Variants in KIRREL3 observed in about 807,000 individuals in gnomAD.
KIRREL3 encodes the protein kirre like nephrin family adhesion molecule 3.
KIRREL3 carries 36 observed loss-of-function variants against 89.7 expected under a neutral mutation model. The ratio of observed to expected loss-of-function variants is 0.40; its 90% CI spans 0.31 to 0.53. KIRREL3 has a LOEUF of 0.53. KIRREL3 is among the 20% of genes least tolerant of loss of function. KIRREL3 has a pLI of 0.49. For missense variants in KIRREL3, 864 were observed against 1,056.6 expected, an observed-to-expected ratio of 0.82 and a Z score of 2.53; for synonymous variants, 445 against 441.4, an observed-to-expected ratio of 1.01 and a Z score of -0.10.
rs1259317672 is a variant in KIRREL3, at chr11:126,537,771, T to C, written c.134-11084A>G. 6.6e-6 allele frequency among the ~76,000 whole-genome samples: 1 copy of C among 152,250 alleles called. No homozygotes were observed. Among genetic ancestry groups the C allele is most frequent in the African/African-American group, 2.4e-5 (1 of 41,474 alleles). ...GCTGCTGTGAGCATGAGAGGTTTTATATGTAAATGATCTTGGTAGACAGGT... is the reference window on the plus strand; with the variant it reads ...GCTGCTGTGAGCATGAGAGGTTTTACATGTAAATGATCTTGGTAGACAGGT... On this transcript the variant is annotated intron_variant, in intron 2 of 16. Coordinates refer to ENST00000525144, the MANE Select transcript of KIRREL3 (RefSeq NM_032531.4). The surrounding 1 kb of genome is among the most constrained non-coding windows in gnomAD (Gnocchi z 4.3).
chr11:126,934,461 A>T (rs1948090722), intron 1 of KIRREL3, among the ~76,000 whole-genome samples: 1 of 152,222 alleles, frequency 6.6e-6, no homozygotes, highest in Admixed American at 6.5e-5. Context: ...CTTCATCAAA[A>T]TTAAAAATTT....
At position 126,723,728 on chromosome 11, in the gene KIRREL3, T is replaced by C. The variant is rs1948268968; in HGVS notation, c.56-160816A>G. ...TAATAGATGCAGAATTAATTTTCAT[T>C]GAGTTACATAAATGATACAATATGA... On this transcript the variant is annotated intron_variant, in intron 1 of 16. Coordinates refer to ENST00000525144, the MANE Select transcript of KIRREL3 (RefSeq NM_032531.4). This position sits in a 1 kb window ranked among gnomAD's most constrained non-coding sequence, Gnocchi z 4.0. Among the ~76,000 whole-genome samples, 1 of 152,174 alleles carries C rather than the reference T, an allele frequency of 6.6e-6. No homozygotes were observed. Among genetic ancestry groups the C allele is most frequent in the African/African-American group, 2.4e-5 (1 of 41,432 alleles).
In KIRREL3 at chr11:126,462,944, T is replaced by A. The variant is rs1208923817; in HGVS notation, c.742+213A>T. Among the ~76,000 whole-genome samples, 1 of 152,210 alleles carries A rather than the reference T, an allele frequency of 6.6e-6. No individual in the cohort carries two copies. Among genetic ancestry groups the A allele is most frequent in the Admixed American group, 6.5e-5 (1 of 15,290 alleles). On this transcript the variant is annotated intron_variant, in intron 6 of 16. Transcript: ENST00000525144. This position sits in a 1 kb window ranked among gnomAD's most constrained non-coding sequence, Gnocchi z 4.8. Reference sequence around the variant, plus strand: ...CAGGTGTTGAAATGTGGCCTGAAGATGTCCTTTGCGAAAGACCCTCATCTG... The same window carrying A: ...CAGGTGTTGAAATGTGGCCTGAAGAAGTCCTTTGCGAAAGACCCTCATCTG...
rs550072638 is a variant in KIRREL3, at chr11:126,687,377, A to G, written c.56-124465T>C. 5.3e-4 allele frequency among the ~76,000 whole-genome samples: 80 copies of G among 152,316 alleles called. No homozygotes were observed. Among genetic ancestry groups the G allele is most frequent in the African/African-American group, 1.8e-3 (73 of 41,566 alleles). On this transcript the variant is annotated intron_variant, in intron 1 of 16. Coordinates refer to ENST00000525144, the MANE Select transcript of KIRREL3 (RefSeq NM_032531.4). The surrounding 1 kb of genome is among the most constrained non-coding windows in gnomAD (Gnocchi z 4.6). The stretch of plus-strand genomic sequence containing the variant: ...TAACATCCCCAAATTTACCTAGCCC[A>G]GAGTTTTAAAAAATTTATATTTTTA...
At chr11:126,560,342 G>A (rs1402002470) in intron 2 of KIRREL3, among the ~76,000 whole-genome samples, 1 of 152,140 alleles carries the variant, frequency 6.6e-6, no homozygotes, top group Non-Finnish European at 1.5e-5. Flanking sequence ...AAAGACTGCA[G>A]ATTCTATCCA....
rs367560999 is a variant in KIRREL3 at position 126,451,399 on chromosome 11, C to G, written c.849-2242G>C. 4.4e-4 allele frequency among the ~76,000 whole-genome samples: 32 copies of G among 73,490 alleles called. No homozygotes were observed. The East Asian group carries it at 0.014, about 31-fold the overall frequency. The allele number at this position is 73,490 out of a possible 152,430, so 48.2% of individuals were successfully genotyped here. A position where few individuals can be genotyped will look rare whatever the true frequency, so the allele number is the denominator to read the frequency against. On this transcript the variant is annotated intron_variant, in intron 7 of 16. Transcript: ENST00000525144. The stretch of plus-strand genomic sequence containing the variant: ...GAGCGTGTGCATGTGTGAACGTGTG[C>G]ATGTGTGCATGTGTGTGCATGTGTG...
chr11:126,512,581 T>C (rs1459364173), intron 4 of KIRREL3, among the ~76,000 whole-genome samples: 6 of 152,148 alleles, frequency 3.9e-5, no homozygotes, highest in South Asian at 2.1e-4. Context: ...CCGCATGTTA[T>C]AGGAAGGGGC....
At chr11:126,439,736 T>G (rs1026768617) in intron 11 of KIRREL3, among the ~76,000 whole-genome samples, 3 of 151,352 alleles carry the variant, frequency 2.0e-5, no homozygotes, top group African/African-American at 7.3e-5. Flanking sequence ...TGAGAATTGC[T>G]TGAACTGGGA....
chr11:126,541,102 A>T lies in KIRREL3; in HGVS notation c.134-14415T>A, dbSNP rs1041116673. ...CCATCAACCCCTCTCAGAGGGCGTCAGCGTGGGCACCACCAGGAGAGGCTG... is the reference window on the plus strand; with the variant it reads ...CCATCAACCCCTCTCAGAGGGCGTCTGCGTGGGCACCACCAGGAGAGGCTG... On this transcript the variant is annotated intron_variant, in intron 2 of 16. Coordinates refer to ENST00000525144, the MANE Select transcript of KIRREL3 (RefSeq NM_032531.4). The surrounding 1 kb of genome is among the most constrained non-coding windows in gnomAD (Gnocchi z 4.8). 3.3e-5 allele frequency among the ~76,000 whole-genome samples: 5 copies of T among 152,196 alleles called. No individual in the cohort carries two copies. The highest frequency in any genetic ancestry group is 7.3e-5 in the Non-Finnish European group (5 of 68,028).
At chr11:126,929,697 C>G (rs1474492416) in intron 1 of KIRREL3, among the ~76,000 whole-genome samples, 4 of 152,182 alleles carry the variant, frequency 2.6e-5, no homozygotes, top group African/African-American at 9.7e-5. Context: ...AACCAAAAAT[C>G]CAGCCTGCCT....
rs1009682349 is a variant in KIRREL3, at chr11:126,517,731, A to C, written c.433+3584T>G. On this transcript the variant is annotated intron_variant, in intron 4 of 16. Coordinates refer to ENST00000525144, the MANE Select transcript of KIRREL3 (RefSeq NM_032531.4). ...TGGTACAGCATGTTGGACTCCTTAC[A>C]GTGGAAGTCATGGCCTTTTGGGAGC... Among the ~76,000 whole-genome samples, 4 of 152,326 alleles carry C rather than the reference A, an allele frequency of 2.6e-5. No individual in the cohort carries two copies. In the East Asian group the frequency reaches 5.8e-4, roughly 22 times the overall value.
At chr11:126,959,561 A>C (rs1052466975) in intron 1 of KIRREL3, among the ~76,000 whole-genome samples, 2 of 152,106 alleles carry the variant, frequency 1.3e-5, no homozygotes, top group African/African-American at 4.8e-5. Context: ...GAAAATTCCA[A>C]ATGTTTCTCA....
At chr11:126,469,831 G>A (rs568282027) in intron 5 of KIRREL3, among the ~76,000 whole-genome samples, 112 of 152,390 alleles carry the variant, frequency 7.3e-4, no homozygotes, top group African/African-American at 2.6e-3. Context: ...ACAAGCCACA[G>A]AGGGGCAGGA....
At position 126,684,799 on chromosome 11, in the gene KIRREL3, C is replaced by T. The variant is rs1043461482; in HGVS notation, c.56-121887G>A. 7.9e-5 allele frequency among the ~76,000 whole-genome samples: 12 copies of T among 152,218 alleles called. No homozygotes were observed. Among genetic ancestry groups the T allele is most frequent in the South Asian group, 4.2e-4 (2 of 4,812 alleles). ...AACACCTCTAAAGAAAGGAAAGGTG[C>T]GGCAGGTTGCGTGTGCGGGAGGGGA... On this transcript the variant is annotated intron_variant, in intron 1 of 16. Coordinates refer to ENST00000525144, the MANE Select transcript of KIRREL3 (RefSeq NM_032531.4). This position sits in a 1 kb window ranked among gnomAD's most constrained non-coding sequence, Gnocchi z 4.2.
Position 126,431,024 on chromosome 11 carries a change from T to C in KIRREL3, c.1696+395A>G. ...GAGTGACCTGCTTTTCTGGTGAGAC[T>C]AGCAGCTCTTTATTTTTATTTTGTT... is the stretch of plus-strand genomic sequence containing the variant. On this transcript the variant is annotated intron_variant, in intron 14 of 16. Coordinates refer to ENST00000525144, the MANE Select transcript of KIRREL3 (RefSeq NM_032531.4). The surrounding 1 kb of genome is among the most constrained non-coding windows in gnomAD (Gnocchi z 7.1). 1.7e-6 allele frequency: 2 copies of C among 1,189,196 alleles called. No individual in the cohort carries two copies. Among genetic ancestry groups the C allele is most frequent in the Non-Finnish European group, 2.1e-6 (2 of 959,458 alleles). The allele number at this position is 1,189,196 out of a possible 1,614,324, so 73.7% of individuals were successfully genotyped here.
rs1450634383 is a variant in KIRREL3, at chr11:126,436,864, G to A, written c.1499C>T (p.Thr500Met). The A allele has an allele frequency of 3.7e-6, 6 of 1,613,630 alleles. No individual in the cohort carries two copies. The highest frequency in any genetic ancestry group is 1.3e-5 in the African/African-American group (1 of 74,912). The change falls in exon 12 of 17, where the codon ACG (threonine) becomes ATG (methionine). Residue 500 changes from threonine (T) to methionine (M), a missense_variant. Transcript: ENST00000525144. The part of the protein sequence containing the change: ...RADFQTIYNC[T>M]AWNSFGSDTE... Reference sequence around the variant, plus strand: ...GTCGGAGCCGAAGCTGTTCCAGGCCGTGCAGTTGTAGATGGTCTGGAAGTC... The same window carrying A: ...GTCGGAGCCGAAGCTGTTCCAGGCCATGCAGTTGTAGATGGTCTGGAAGTC...
chr11:126,787,207 C>T (rs1281680444), intron 1 of KIRREL3, among the ~76,000 whole-genome samples: 3 of 152,164 alleles, frequency 2.0e-5, no homozygotes, highest in Non-Finnish European at 4.4e-5. Flanking sequence ...CCAATCAACC[C>T]CCACACAGAT....
Position 126,594,662 on chromosome 11 carries a change from A to G in KIRREL3, c.56-31750T>C, listed in dbSNP as rs150874564. ...GTGCAATGAGGCCGCAGCAGAAACTATCTCTAAGGCCAGCTCTTAAATTCT... is the reference window on the plus strand; with the variant it reads ...GTGCAATGAGGCCGCAGCAGAAACTGTCTCTAAGGCCAGCTCTTAAATTCT... On this transcript the variant is annotated intron_variant, in intron 1 of 16. Coordinates refer to ENST00000525144, the MANE Select transcript of KIRREL3 (RefSeq NM_032531.4). The surrounding 1 kb of genome is among the most constrained non-coding windows in gnomAD (Gnocchi z 5.0). Among the ~76,000 whole-genome samples the G allele has an allele frequency of 1.9e-3, 285 of 151,910 alleles. No homozygotes were observed. The highest frequency in any genetic ancestry group is 6.6e-3 in the African/African-American group (273 of 41,270).
At chr11:126,936,838 C>T (rs760035732) in intron 1 of KIRREL3, 8 of 152,138 alleles carry the variant, frequency 5.3e-5, no homozygotes, top group Non-Finnish European at 1.0e-4. Context: ...TAGTGATGTC[C>T]GAACAACTGT....
Sources: allele counts gnomAD v4.1 joint callset (sites outside exome capture counted in the v4.1 genomes callset), GRCh38; gene constraint gnomAD v4.1.1; non-coding constraint Gnocchi (gnomAD v3.1); transcripts MANE v1.5; gene names NCBI Gene and HGNC (gene_info 2026-07-23, HGNC 2026-07-21).